Variants in SDCCAG8 observed in about 807,000 individuals in gnomAD.
SDCCAG8 encodes the protein SHH signaling and ciliogenesis regulator SDCCAG8, also known as serologically defined colon cancer antigen 8.
A neutral mutation model predicts 101.8 loss-of-function variants in SDCCAG8; 74 were observed. The observed-to-expected ratio is 0.73, with a 90% CI of 0.60 to 0.88. The LOEUF (loss-of-function observed/expected upper bound fraction) is 0.88. Among genes scored for constraint, SDCCAG8 ranks in the 40% least tolerant of loss-of-function variants. SDCCAG8 has a pLI of 0.00. For missense variants in SDCCAG8, 787 were observed against 822.6 expected (o/e 0.96, Z 0.53); for synonymous variants, 281 against 292.9 (o/e 0.96, Z 0.41).
chr1:243,488,034 C>A (rs894471600), intron 16 of SDCCAG8, among the ~76,000 whole-genome samples: 1 of 152,202 alleles, frequency 6.6e-6, no homozygotes, highest in Admixed American at 6.5e-5. Context: ...AGGCAGGTAC[C>A]GACCATCGCC....
chr1:243,431,839 G>T (rs1483683789), intron 16 of SDCCAG8, among the ~76,000 whole-genome samples: 1 of 152,068 alleles, frequency 6.6e-6, no homozygotes, highest in Admixed American at 6.5e-5. Flanking sequence ...AATCCCGGGG[G>T]TTTCGTCAAT....
At chr1:243,394,689 T>G (rs528798626) in intron 13 of SDCCAG8, among the ~76,000 whole-genome samples, 1 of 152,358 alleles carries the variant, frequency 6.6e-6, no homozygotes, top group South Asian at 2.1e-4. Flanking sequence ...GGAGTTTAAA[T>G]ATTTTACCTT....
At chr1:243,367,902 A>T (rs1352487391) in intron 12 of SDCCAG8, among the ~76,000 whole-genome samples, 1 of 151,904 alleles carries the variant, frequency 6.6e-6, no homozygotes, top group Non-Finnish European at 1.5e-5. Context: ...TACATGGCTG[A>T]CATAATTTCC....
chr1:243,326,172 G>T (rs1041759821), intron 9 of SDCCAG8, among the ~76,000 whole-genome samples: 2 of 152,094 alleles, frequency 1.3e-5, no homozygotes, highest in Admixed American at 6.5e-5. Flanking sequence ...TTTCCAATTT[G>T]CTAAGACCTA....
chr1:243,389,295 A>G (rs780693429), intron 13 of SDCCAG8, among the ~76,000 whole-genome samples: 6 of 152,176 alleles, frequency 3.9e-5, no homozygotes, highest in Non-Finnish European at 7.3e-5. Context: ...TCAACATGTG[A>G]TAAGTCCAAA....
At chr1:243,323,477 A>G (rs938630074) in intron 9 of SDCCAG8, among the ~76,000 whole-genome samples, 4 of 151,900 alleles carry the variant, frequency 2.6e-5, no homozygotes, top group East Asian at 1.9e-4. Context: ...TCCCACTTCT[A>G]TGTCATCACA....
At chr1:243,439,477 T>G (rs1490617768) in intron 16 of SDCCAG8, among the ~76,000 whole-genome samples, 1 of 151,930 alleles carries the variant, frequency 6.6e-6, no homozygotes, top group Non-Finnish European at 1.5e-5. Flanking sequence ...TACAAAAAAT[T>G]AACCAGGTGG....
Position 243,324,619 on chromosome 1 carries a change from C to T in SDCCAG8, c.1069-5921C>T, listed in dbSNP as rs534977886. Reference sequence around the variant, plus strand: ...GATTACAGGTGTGAGCCACCGTGTCCAGTGGTATACTTCACGTATTCTTAT... The same window carrying T: ...GATTACAGGTGTGAGCCACCGTGTCTAGTGGTATACTTCACGTATTCTTAT... On this transcript the variant is annotated intron_variant, in intron 9 of 17. Coordinates refer to ENST00000366541, the MANE Select transcript of SDCCAG8 (RefSeq NM_006642.5). 6.6e-5 allele frequency among the ~76,000 whole-genome samples: 10 copies of T among 152,058 alleles called. No homozygotes were observed. The South Asian group carries it at 1.9e-3, about 28-fold the overall frequency.
chr1:243,463,802 C>T (rs928584412), intron 16 of SDCCAG8, among the ~76,000 whole-genome samples: 3 of 152,214 alleles, frequency 2.0e-5, no homozygotes, highest in African/African-American at 2.4e-5. Flanking sequence ...GGTGGTACTC[C>T]GACATCTTCG....
At position 243,499,941 on chromosome 1, in the gene SDCCAG8, G is replaced by A. The variant is rs910841165; in HGVS notation, c.*156G>A. ...CCTCATCAACGCGGGCGCTGTCCCC[G>A]CACGCAGTCGGGCTGGAGCTGGAGT... is the stretch of plus-strand genomic sequence containing the variant. On this transcript the variant is annotated 3_prime_UTR_variant, in exon 18 of 18. Transcript: ENST00000366541. 1.3e-5 allele frequency: 9 copies of A among 703,936 alleles called. No individual in the cohort carries two copies. Among genetic ancestry groups the A allele is most frequent in the Admixed American group, 8.3e-5 (4 of 48,266 alleles). The allele number at this position is 703,936 out of a possible 1,614,324, so 43.6% of individuals were successfully genotyped here. A position where few individuals can be genotyped will look rare whatever the true frequency, so the allele number is the denominator to read the frequency against.
intron 13 of SDCCAG8, among the ~76,000 whole-genome samples, chr1:243,408,949 G>A (rs1287395815): frequency 6.6e-6 from 1 of 152,096 alleles, no homozygotes; most frequent in Non-Finnish European, 1.5e-5. Context: ...AGTATTAAAG[G>A]AAGAAAGTTA....
At chr1:243,414,050 G>A (rs768056651) in intron 13 of SDCCAG8, among the ~76,000 whole-genome samples, 19 of 152,042 alleles carry the variant, frequency 1.2e-4, no homozygotes, top group Non-Finnish European at 2.5e-4. Context: ...CTGGGCTGAG[G>A]GTATAGAGAG....
intron 4 of SDCCAG8, among the ~76,000 whole-genome samples, chr1:243,282,655 C>G (rs1209604186): frequency 6.6e-6 from 1 of 152,078 alleles, no homozygotes; most frequent in Non-Finnish European, 1.5e-5. Flanking sequence ...TTTTCTTTCT[C>G]TTTTGAAGGT....
At chr1:243,420,991 A>C (rs564914571) in intron 15 of SDCCAG8, among the ~76,000 whole-genome samples, 2 of 152,304 alleles carry the variant, frequency 1.3e-5, no homozygotes, top group East Asian at 3.9e-4. Flanking sequence ...AACTATTGGG[A>C]TAAATAATTT....
intron 10 of SDCCAG8, among the ~76,000 whole-genome samples, chr1:243,332,755 T>C (rs2074711606): frequency 6.6e-6 from 1 of 151,738 alleles, no homozygotes; most frequent in Non-Finnish European, 1.5e-5. Context: ...GAGGTGATTA[T>C]TGTGGTCCGG....
chr1:243,397,489 C>T (rs142532793), intron 13 of SDCCAG8, among the ~76,000 whole-genome samples: 7 of 152,226 alleles, frequency 4.6e-5, no homozygotes, highest in African/African-American at 9.6e-5. Flanking sequence ...TGAAGGTTAA[C>T]GTTCCATTCA....
chr1:243,294,346 A>T (rs1006145997), intron 6 of SDCCAG8, among the ~76,000 whole-genome samples: 3 of 152,080 alleles, frequency 2.0e-5, no homozygotes, highest in African/African-American at 7.2e-5. Context: ...TATTTTTGTG[A>T]AGACTATTCC....
intron 16 of SDCCAG8, among the ~76,000 whole-genome samples, chr1:243,450,527 A>T (rs1475687574): frequency 2.6e-5 from 4 of 152,200 alleles, no homozygotes; most frequent in Non-Finnish European, 4.4e-5. Flanking sequence ...ACTTCCAGGG[A>T]TTCTTGTCTC....
intron 1 of SDCCAG8, among the ~76,000 whole-genome samples, chr1:243,268,343 A>G (rs2067801833): frequency 6.6e-6 from 1 of 152,198 alleles, no homozygotes; most frequent in Non-Finnish European, 1.5e-5. Context: ...TCGCTTTTCT[A>G]TTCTATTTTC....
Sources: allele counts gnomAD v4.1 joint callset (sites outside exome capture counted in the v4.1 genomes callset), GRCh38; gene constraint gnomAD v4.1.1; transcripts MANE v1.5; gene names NCBI Gene and HGNC (gene_info 2026-07-23, HGNC 2026-07-21).